The following GABRA3 variants were observed in gnomAD, a reference collection of about 807,000 sequenced individuals.
The protein encoded by GABRA3 is gamma-aminobutyric acid type A receptor subunit alpha3.
GABRA3 carries 10 observed loss-of-function variants against 30.1 expected under a neutral mutation model. That is an observed-to-expected ratio of 0.33 (90% CI 0.20 to 0.56). GABRA3 has a LOEUF of 0.56. Among genes scored for constraint, GABRA3 ranks in the 20% least tolerant of loss-of-function variants. The pLI, the probability that GABRA3 is intolerant of heterozygous loss-of-function variation, is 0.89. For missense variants in GABRA3, 233 were observed against 392.0 expected, an observed-to-expected ratio of 0.59 and a Z score of 3.42; for synonymous variants, 151 against 146.8, an observed-to-expected ratio of 1.03 and a Z score of -0.21.
intron 3 of GABRA3, 70 bp downstream of exon 3, chrX:152,345,511 A>G (rs1372432506): frequency 1.7e-5 from 19 of 1,118,534 alleles, no homozygotes; most frequent in Admixed American, 2.8e-5. Flanking sequence ...GGCACCTTAT[A>G]ACTGTTTTTA....
intron 3 of GABRA3, among the ~76,000 whole-genome samples, chrX:152,327,961 A>G (rs901051491): frequency 7.2e-4 from 81 of 111,789 alleles, no homozygotes; most frequent in African/African-American, 2.4e-3. Flanking sequence ...TAGCAAGACT[A>G]AAAAAGAAGA....
At position 152,189,819 on chromosome X, in the gene GABRA3, C is replaced by A; in HGVS notation, c.1054G>T (p.Ala352Ser). 1 of 1,209,742 alleles carries A rather than the reference C, an allele frequency of 8.3e-7. No homozygotes were observed. The highest frequency in any genetic ancestry group is 1.1e-6 in the Non-Finnish European group (1 of 894,171). Residue 352 changes from alanine to serine, a missense_variant, in exon 9 of 10, where the codon GCA becomes TCA. Ala to Ser is a moderately conservative substitution (Grantham distance 99). Around this residue, in one of 6 missense-constraint regions of GABRA3, gnomAD observed 20 missense variants for 84.3 expected, o/e 0.24. Coordinates refer to ENST00000370314, the MANE Select transcript of GABRA3 (RefSeq NM_000808.4). ...IAVCYAFVFS[A>S]LIEFATVNYF... is the part of the protein sequence containing the mutation. ...TTGACAGTGGCAAATTCAATCAGTG[C>A]AGAAAATACAAAGGCATAACAGACG...
At chrX:152,190,577 G>A (rs1043938203) in intron 8 of GABRA3, among the ~76,000 whole-genome samples, 1 of 108,791 alleles carries the variant, frequency 9.2e-6, no homozygotes, top group Non-Finnish European at 1.9e-5. Context: ...GGACATGGTC[G>A]GAATTCAGTA....
chrX:152,223,740 A>T (rs1004984031), intron 6 of GABRA3, among the ~76,000 whole-genome samples: 1 of 109,845 alleles, frequency 9.1e-6, no homozygotes, highest in Non-Finnish European at 1.9e-5. Context: ...GACACTAATC[A>T]CCCTACTTTC....
At chrX:152,394,192 T>C (rs958726451) in intron 1 of GABRA3, among the ~76,000 whole-genome samples, 4 of 112,125 alleles carry the variant, frequency 3.6e-5, no homozygotes, top group African/African-American at 1.3e-4. Flanking sequence ...TACGAATTGA[T>C]GTGTCCATTT....
Position 152,399,388 on chromosome X carries a change from TC to T in GABRA3, c.-26-34793del, listed in dbSNP as rs1386297748. Among the ~76,000 whole-genome samples the T allele has an allele frequency of 1.7e-4, 19 of 111,784 alleles. 1 individual carries two copies. The highest frequency in any genetic ancestry group is 5.9e-4 in the African/African-American group (18 of 30,731). On this transcript the variant is annotated intron_variant, in intron 1 of 9. Coordinates refer to ENST00000370314, the MANE Select transcript of GABRA3 (RefSeq NM_000808.4). ...TAGAGGAAGATATCACTGGGAAGTT[TC>T]TGAGTAGGAACTGGTGAAGCTCAGA...
chrX:152,324,123 G>C (rs758297227), intron 3 of GABRA3, among the ~76,000 whole-genome samples: 29 of 112,174 alleles, frequency 2.6e-4, no homozygotes, highest in Admixed American at 5.7e-4. Flanking sequence ...TTTATTTGTT[G>C]GTGGAATCAG....
intron 4 of GABRA3, among the ~76,000 whole-genome samples, chrX:152,260,439 A>T (rs1469032580): frequency 9.0e-6 from 1 of 110,912 alleles, no homozygotes; most frequent in African/African-American, 3.3e-5. Flanking sequence ...GAGACCCAAT[A>T]CTGTGCTGGG....
chrX:152,438,597 T>A (rs776610638), intron 1 of GABRA3, among the ~76,000 whole-genome samples: 22 of 112,446 alleles, frequency 2.0e-4, no homozygotes, highest in Middle Eastern at 4.6e-3. Context: ...CAAACTGTGG[T>A]ACAGCCTATG....
chrX:152,296,833 G>A (rs759790160), intron 3 of GABRA3, among the ~76,000 whole-genome samples: 8 of 109,374 alleles, frequency 7.3e-5, no homozygotes, highest in Admixed American at 2.9e-4. Context: ...CCAAGTAGCC[G>A]GGATTACAGG....
intron 4 of GABRA3, among the ~76,000 whole-genome samples, chrX:152,256,650 A>G (rs1013062713): frequency 3.6e-5 from 4 of 112,224 alleles, no homozygotes; most frequent in African/African-American, 1.3e-4. Flanking sequence ...TACAAAATAA[A>G]TGAACAATAA....
chrX:152,233,330 A>C (rs773529580), intron 5 of GABRA3, among the ~76,000 whole-genome samples: 14 of 111,057 alleles, frequency 1.3e-4, no homozygotes, highest in Admixed American at 3.9e-4. Context: ...CCATTTGTCA[A>C]TTTTGGCTTT....
At chrX:152,379,928 C>G (rs1929096670) in intron 1 of GABRA3, among the ~76,000 whole-genome samples, 1 of 110,359 alleles carries the variant, frequency 9.1e-6, no homozygotes, top group Admixed American at 9.6e-5. Context: ...GCCTCTGCCT[C>G]CCGGGTTCAA....
chrX:152,182,899 C>T (rs1937204079), intron 9 of GABRA3, among the ~76,000 whole-genome samples: 1 of 96,266 alleles, frequency 1.0e-5, no homozygotes, highest in African/African-American at 3.7e-5. Context: ...ATAGTGTATA[C>T]ATATATACTT....
chrX:152,263,081 T>A (rs757694535), intron 4 of GABRA3, among the ~76,000 whole-genome samples: 3 of 110,997 alleles, frequency 2.7e-5, no homozygotes, highest in Admixed American at 1.9e-4. Context: ...TCTTGAGAAC[T>A]CACTCACTAT....
chrX:152,408,036 C>T (rs1399415835), intron 1 of GABRA3, among the ~76,000 whole-genome samples: 2 of 111,022 alleles, frequency 1.8e-5, no homozygotes, highest in East Asian at 2.8e-4. Context: ...CCCTTCATGA[C>T]AAAAACTCTC....
intron 3 of GABRA3, among the ~76,000 whole-genome samples, chrX:152,285,147 G>T (rs1939269464): frequency 8.9e-6 from 1 of 111,974 alleles, no homozygotes; most frequent in Non-Finnish European, 1.9e-5. Flanking sequence ...CAATAGGAAT[G>T]GTTCTGGATG....
At chrX:152,219,118 G>C (rs1937783268) in intron 6 of GABRA3, among the ~76,000 whole-genome samples, 1 of 110,781 alleles carries the variant, frequency 9.0e-6, no homozygotes, top group Non-Finnish European at 1.9e-5. Flanking sequence ...CTTCTTTCTA[G>C]CTTCTAAATG....
intron 8 of GABRA3, among the ~76,000 whole-genome samples, chrX:152,196,461 A>G (rs759278483): frequency 4.5e-5 from 5 of 110,268 alleles, no homozygotes; most frequent in Non-Finnish European, 9.5e-5. Flanking sequence ...AAGGAAGGAA[A>G]AATGAAAAAG....
Sources: gnomAD v4.1 joint callset for allele counts (sites outside exome capture counted in the v4.1 genomes callset) on GRCh38, gnomAD v4.1.1 for gene constraint, gnomAD v4.1.1 regional missense constraint, MANE v1.5 for transcripts, NCBI Gene and HGNC (gene_info 2026-07-23, HGNC 2026-07-21) for gene names.